The following ANKRD11 variants were observed in gnomAD, a reference collection of about 807,000 sequenced individuals.
The protein encoded by ANKRD11 is ankyrin repeat domain 11.
A neutral mutation model predicts 195.7 loss-of-function variants in ANKRD11; 17 were observed. The observed-to-expected ratio is 0.09, with a 90% confidence interval of 0.06 to 0.13. The LOEUF is 0.13. Among genes scored for constraint, ANKRD11 ranks in the 10% least tolerant of loss-of-function variants. The pLI, the probability that ANKRD11 is intolerant of heterozygous loss-of-function variation, is 1.00. For missense variants in ANKRD11, 3,735 were observed against 3,566.1 expected, an observed-to-expected ratio of 1.05 and a Z score of -1.21; for synonymous variants, 1,953 against 1,528.1, an observed-to-expected ratio of 1.28 and a Z score of -6.49.
chr16:89,312,627 C>T (rs1321023974), intron 3 of ANKRD11, among the ~76,000 whole-genome samples: 2 of 88,604 alleles, frequency 2.3e-5, no homozygotes, highest in Non-Finnish European at 4.8e-5. Flanking sequence ...AAATCACCCT[C>T]TCCACGAGCC....
rs2034275274 is a variant in ANKRD11, at chr16:89,281,836, C to G, written c.4706G>C (p.Arg1569Thr). 1 of 1,614,066 alleles carries G rather than the reference C, an allele frequency of 6.2e-7. No individual in the cohort carries two copies. The highest frequency in any genetic ancestry group is 2.2e-5 in the East Asian group (1 of 44,878). Residue 1569 changes from arginine to threonine, a missense_variant, in exon 9 of 13, where the codon AGG becomes ACG. Coordinates refer to ENST00000301030, the MANE Select transcript of ANKRD11 (RefSeq NM_013275.6). The surrounding 1 kb of genome is among the most constrained non-coding windows in gnomAD (Gnocchi z 5.5). ...KDPGKKDARP[R>T]EKLLGDGDLM... ...GTCGCCGTCCCCCAGGAGCTTCTCC[C>G]TGGGCCTGGCGTCTTTCTTGCCTGG...
At chr16:89,395,280 G>T (rs933806153) in intron 2 of ANKRD11, among the ~76,000 whole-genome samples, 1 of 152,366 alleles carries the variant, frequency 6.6e-6, no homozygotes, top group African/African-American at 2.4e-5. Context: ...TACTGCCAGA[G>T]GAATGGGCTG....
chr16:89,489,675 G>A (rs968153777), intron 1 of ANKRD11, among the ~76,000 whole-genome samples: 11 of 151,674 alleles, frequency 7.3e-5, no homozygotes, highest in African/African-American at 2.2e-4. Context: ...CCCGGCGCCC[G>A]GCCAGCGCCC....
At chr16:89,287,726 T>G (rs970932523) in intron 7 of ANKRD11, 13 of 166,702 alleles carry the variant, frequency 7.8e-5, no homozygotes, top group Non-Finnish European at 1.5e-4. Context: ...CCTGCTCGTC[T>G]CAGAGTCTTC....
At position 89,346,017 on chromosome 16, in the gene ANKRD11, G is replaced by A. The variant is rs146799259; in HGVS notation, c.-59-28939C>T. ...AGCACTTTGGGAGGCCAAAGCAGGC[G>A]GATCACTTGAGGTCAAGAGTTTGAG... On this transcript the variant is annotated intron_variant, in intron 2 of 12. Transcript: ENST00000301030. 1.7e-3 allele frequency among the ~76,000 whole-genome samples: 264 copies of A among 152,136 alleles called. 1 individual carries two copies. The highest frequency in any genetic ancestry group is 2.7e-3 in the Non-Finnish European group (184 of 67,974).
intron 1 of ANKRD11, among the ~76,000 whole-genome samples, chr16:89,444,941 C>T (rs1227134856): frequency 6.6e-6 from 1 of 152,220 alleles, no homozygotes; most frequent in Non-Finnish European, 1.5e-5. Context: ...CAGAGGACAT[C>T]ACCACAGGAG....
At chr16:89,465,522 C>G (rs912049598) in intron 1 of ANKRD11, among the ~76,000 whole-genome samples, 17 of 152,172 alleles carry the variant, frequency 1.1e-4, no homozygotes, top group African/African-American at 3.6e-4. Context: ...CGCACACATC[C>G]GCGGAAAGCC....
chr16:89,441,520 C>G (rs1029482272), intron 1 of ANKRD11, among the ~76,000 whole-genome samples: 2 of 152,080 alleles, frequency 1.3e-5, no homozygotes, highest in Non-Finnish European at 2.9e-5. Flanking sequence ...GTAATCCCAG[C>G]ACTTTGGGAG....
chr16:89,364,122 C>T (rs2039849792), intron 2 of ANKRD11, among the ~76,000 whole-genome samples: 1 of 152,138 alleles, frequency 6.6e-6, no homozygotes, highest in Non-Finnish European at 1.5e-5. Context: ...AAAAAAAAGA[C>T]ATGGAGCCTT....
chr16:89,415,843 A>AAAAC (rs2042283591), intron 2 of ANKRD11, among the ~76,000 whole-genome samples: 1 of 145,228 alleles, frequency 6.9e-6, no homozygotes, highest in African/African-American at 2.5e-5. Flanking sequence ...AAAAAAAAAA[A>AAAAC]AAAAAAACAA....
At chr16:89,369,685 T>C (rs1441147260) in intron 2 of ANKRD11, among the ~76,000 whole-genome samples, 1 of 152,188 alleles carries the variant, frequency 6.6e-6, no homozygotes, top group African/African-American at 2.4e-5. Context: ...GTCCCGACTG[T>C]GGGACACAGG....
At position 89,391,331 on chromosome 16, in the gene ANKRD11, C is replaced by T. The variant is rs958728558; in HGVS notation, c.-60+26953G>A. Among the ~76,000 whole-genome samples, 15 of 152,130 alleles carry T rather than the reference C, an allele frequency of 9.9e-5. No individual in the cohort carries two copies. In the South Asian group the frequency reaches 1.2e-3, roughly 13 times the overall value. ...CACAGCCACAGGAACCCAGGGCTTG[C>T]GGTGGGTGCTGGAGTGCTGGCAGTC... On this transcript the variant is annotated intron_variant, in intron 2 of 12. Coordinates refer to ENST00000301030, the MANE Select transcript of ANKRD11 (RefSeq NM_013275.6).
At chr16:89,350,226 T>C (rs755774021) in intron 2 of ANKRD11, among the ~76,000 whole-genome samples, 4 of 152,332 alleles carry the variant, frequency 2.6e-5, no homozygotes, top group East Asian at 1.9e-4. Context: ...CATTCAACGC[T>C]GGTGGGAACA....
At chr16:89,340,195 C>A (rs1172882465) in intron 2 of ANKRD11, among the ~76,000 whole-genome samples, 1 of 152,246 alleles carries the variant, frequency 6.6e-6, no homozygotes, top group African/African-American at 2.4e-5. Flanking sequence ...TGTAAAATAT[C>A]TGATGAAATG....
intron 4 of ANKRD11, chr16:89,300,806 G>T: frequency 1.4e-6 from 1 of 696,508 alleles, no homozygotes; most frequent in South Asian, 1.5e-5. Context: ...CAGAGACCAG[G>T]GTGTCATTCA....
chr16:89,298,275 T>C (rs1438378314), intron 4 of ANKRD11: 1 of 152,202 alleles, frequency 6.6e-6, no homozygotes, highest in African/African-American at 2.4e-5. Flanking sequence ...ACACACAGCA[T>C]CGTGGGTATT....
intron 1 of ANKRD11, among the ~76,000 whole-genome samples, chr16:89,466,103 G>C (rs905528199): frequency 6.6e-6 from 1 of 152,120 alleles, no homozygotes; most frequent in East Asian, 1.9e-4. Context: ...CCCAGAAAAA[G>C]ATGCTGGCAG....
chr16:89,443,850 G>A (rs914124627), intron 1 of ANKRD11, among the ~76,000 whole-genome samples: 3 of 152,226 alleles, frequency 2.0e-5, no homozygotes, highest in Non-Finnish European at 2.9e-5. Flanking sequence ...TGCAGAGCAA[G>A]CCTGCTGGGA....
chr16:89,353,954 A>G (rs2039342018), intron 2 of ANKRD11, among the ~76,000 whole-genome samples: 1 of 152,164 alleles, frequency 6.6e-6, no homozygotes, highest in Non-Finnish European at 1.5e-5. Flanking sequence ...AGAGATGGAG[A>G]CATAAAGGCG....
Sources: allele counts gnomAD v4.1 joint callset (sites outside exome capture counted in the v4.1 genomes callset), GRCh38; gene constraint gnomAD v4.1.1; non-coding constraint Gnocchi (gnomAD v3.1); transcripts MANE v1.5; gene names NCBI Gene and HGNC (gene_info 2026-07-23, HGNC 2026-07-21).